NYAP2: variants seen among roughly 807,000 people sequenced by gnomAD.
NYAP2 encodes neuronal tyrosine-phosphorylated phosphoinositide-3-kinase adapter 2.
In NYAP2, 23 loss-of-function variants were observed where a neutral mutation model predicts 50.4. The ratio of observed to expected loss-of-function variants is 0.46; its 90% CI spans 0.33 to 0.65. The LOEUF (loss-of-function observed/expected upper bound fraction) is 0.65, where lower values mean the gene tolerates loss of function less well. Ranked by LOEUF, NYAP2 falls within the 30% of genes least tolerant of loss-of-function variation. The probability of loss-of-function intolerance (pLI) is 0.02; values close to 1 mark genes in which losing one functional copy is unlikely to be tolerated. For missense variants in NYAP2, 885 were observed against 861.0 expected (o/e 1.03, Z -0.35); for synonymous variants, 394 against 365.2 (o/e 1.08, Z -0.90).
intron 5 of NYAP2, among the ~76,000 whole-genome samples, chr2:225,616,753 A>G (rs1007023246): frequency 3.3e-5 from 5 of 152,072 alleles, no homozygotes; most frequent in Admixed American, 3.3e-4. Flanking sequence ...AGTAATTACA[A>G]ACACACATCT....
intron 3 of NYAP2, among the ~76,000 whole-genome samples, chr2:225,465,607 T>A (rs1689903613): frequency 6.6e-6 from 1 of 152,034 alleles, no homozygotes; most frequent in Non-Finnish European, 1.5e-5. Flanking sequence ...TCCCAGCTAC[T>A]CAGGAGGCTG....
chr2:225,491,416 C>G (rs1311246082), intron 3 of NYAP2, among the ~76,000 whole-genome samples: 1 of 152,152 alleles, frequency 6.6e-6, no homozygotes, highest in South Asian at 2.1e-4. Context: ...ATGTTGAATA[C>G]TATCATCTCA....
intron 3 of NYAP2, among the ~76,000 whole-genome samples, chr2:225,512,852 T>TCTTCCTTCCTTC (rs762260450): frequency 2.6e-3 from 323 of 123,640 alleles, no homozygotes; most frequent in Non-Finnish European, 3.9e-3. Flanking sequence ...TTTCTTTCTT[T>TCTTCCTTCCTTC]CTTCCTTCCT....
chr2:225,561,626 A>G (rs1691875694), intron 4 of NYAP2, among the ~76,000 whole-genome samples: 1 of 152,080 alleles, frequency 6.6e-6, no homozygotes, highest in African/African-American at 2.4e-5. Flanking sequence ...AGGGGAGGAA[A>G]CACAGAGGCA....
At chr2:225,426,270 G>A (rs186405941) in intron 3 of NYAP2, among the ~76,000 whole-genome samples, 2 of 151,872 alleles carry the variant, frequency 1.3e-5, no homozygotes, top group East Asian at 1.9e-4. Context: ...GTGTGATTAC[G>A]GACAAATTAC....
intron 5 of NYAP2, among the ~76,000 whole-genome samples, chr2:225,622,023 T>C (rs1223786050): frequency 6.6e-6 from 1 of 152,212 alleles, no homozygotes; most frequent in Non-Finnish European, 1.5e-5. Context: ...TTTGAGCTCC[T>C]GATTTCAATT....
the NYAP2 span, among the ~76,000 whole-genome samples, chr2:225,684,967 G>T: frequency 2.6e-5 from 4 of 152,262 alleles, no homozygotes; most frequent in East Asian, 7.7e-4. Flanking sequence ...CCCAGAGCTA[G>T]CAAAATAACT....
chr2:225,662,921 C>T, the NYAP2 span, among the ~76,000 whole-genome samples: 5 of 152,158 alleles, frequency 3.3e-5, no homozygotes, highest in East Asian at 1.9e-4. Flanking sequence ...TCATATCCGA[C>T]GATCGCAGTC....
chr2:225,399,270 T>A (rs1694818821), upstream of NYAP2, among the ~76,000 whole-genome samples: 3 of 152,022 alleles, frequency 2.0e-5, no homozygotes. Context: ...ATTAATAGAT[T>A]AAAACATGTA....
chr2:225,466,996 C>T (rs981002377), intron 3 of NYAP2, among the ~76,000 whole-genome samples: 1 of 152,178 alleles, frequency 6.6e-6, no homozygotes, highest in Non-Finnish European at 1.5e-5. Flanking sequence ...ACTTGAAAGA[C>T]AAATGTGCTG....
chr2:225,539,693 T>C (rs1166799279), intron 4 of NYAP2, among the ~76,000 whole-genome samples: 2 of 152,202 alleles, frequency 1.3e-5, no homozygotes, highest in Admixed American at 6.5e-5. Context: ...TTGGGGTTGT[T>C]TGATTTTTTT....
At chr2:225,553,997 ACT>A (rs1190860801) in intron 4 of NYAP2, among the ~76,000 whole-genome samples, 1 of 152,048 alleles carries the variant, frequency 6.6e-6, no homozygotes, top group Admixed American at 6.6e-5. Flanking sequence ...TCCAGCCTGG[ACT>A]CTGTCTCAGA....
chr2:225,459,230 G>A (rs1392013866), intron 3 of NYAP2, among the ~76,000 whole-genome samples: 2 of 152,100 alleles, frequency 1.3e-5, no homozygotes, highest in African/African-American at 4.8e-5. Context: ...TTCTCATTGT[G>A]CTAATGTTAT....
chr2:225,660,647 A>T, the NYAP2 span, among the ~76,000 whole-genome samples: 2 of 152,100 alleles, frequency 1.3e-5, no homozygotes, highest in African/African-American at 2.4e-5. Context: ...ACATGGCGCC[A>T]CCTAGCGTCT....
chr2:225,551,736 G>T (rs1399806819), intron 4 of NYAP2, among the ~76,000 whole-genome samples: 1 of 152,148 alleles, frequency 6.6e-6, no homozygotes, highest in Non-Finnish European at 1.5e-5. Context: ...ACTGGTCTTG[G>T]CCTCAAACAT....
exon 4 of NYAP2, chr2:225,513,556 G>C: frequency 6.2e-7 from 1 of 1,609,156 alleles, no homozygotes; most frequent in Non-Finnish European, 8.5e-7. Context: ...TGTGGCTCAC[G>C]GAGACAACCA....
chr2:225,540,432 T>C (rs1691439745), intron 4 of NYAP2, among the ~76,000 whole-genome samples: 3 of 152,206 alleles, frequency 2.0e-5, no homozygotes. Flanking sequence ...TCTCACATGG[T>C]GGCAGACAAG....
In NYAP2 at chr2:225,419,495, T is replaced by C. The variant is rs1475623353; in HGVS notation, c.221+10394T>C. 2.0e-5 allele frequency among the ~76,000 whole-genome samples: 3 copies of C among 152,202 alleles called. No individual in the cohort carries two copies. The East Asian group carries it at 5.8e-4, about 29-fold the overall frequency. Reference sequence around the variant, plus strand: ...TAGTGGGAAAATCCTTGTGCCCTAATACAAGATGGAATCAGTTTCTTTCAC... The same window carrying C: ...TAGTGGGAAAATCCTTGTGCCCTAACACAAGATGGAATCAGTTTCTTTCAC... On this transcript the variant is annotated intron_variant, in intron 3 of 6. Coordinates refer to ENST00000636099, the Ensembl canonical transcript of NYAP2.
chr2:225,429,320 T>C (rs922688708), intron 3 of NYAP2, among the ~76,000 whole-genome samples: 2 of 152,184 alleles, frequency 1.3e-5, no homozygotes, highest in Non-Finnish European at 1.5e-5. Flanking sequence ...TGTTGCATAG[T>C]GATACTGGAT....
Sources: allele counts gnomAD v4.1 joint callset (sites outside exome capture counted in the v4.1 genomes callset), GRCh38; gene constraint gnomAD v4.1.1; transcripts MANE v1.5; gene names NCBI Gene and HGNC (gene_info 2026-07-23, HGNC 2026-07-21).